The following LRP5 variants were observed in gnomAD, a reference collection of about 807,000 sequenced individuals.
The protein encoded by LRP5 is LDL receptor related protein 5, also known as low-density lipoprotein receptor-related protein 5.
In LRP5, 62 loss-of-function variants were observed where a neutral mutation model predicts 154.1. The ratio of observed to expected loss-of-function variants is 0.40; its 90% confidence interval spans 0.33 to 0.50. LRP5 has a LOEUF of 0.50. LRP5 is among the 20% of genes least tolerant of loss of function. The pLI is 0.55. For synonymous variants in LRP5, 966 were observed against 1,011.5 expected, an observed-to-expected ratio of 0.96 and a Z score of 0.85; for missense variants, 1,915 against 2,336.7, an observed-to-expected ratio of 0.82 and a Z score of 3.72.
At chr11:68,437,523 G>C (rs1320137967) in intron 19 of LRP5, among the ~76,000 whole-genome samples, 6 of 152,226 alleles carry the variant, frequency 3.9e-5, no homozygotes, top group Non-Finnish European at 8.8e-5. Flanking sequence ...AGTGGCTCCT[G>C]AAAGGCTGTC....
At chr11:68,300,000 C>T in the LRP5 span, among the ~76,000 whole-genome samples, 1 of 148,562 alleles carries the variant, frequency 6.7e-6, no homozygotes, top group African/African-American at 2.4e-5. Flanking sequence ...CAGGTTCAAG[C>T]GATTCTCCTG....
At chr11:68,356,915 T>C (rs2098623606) in intron 2 of LRP5, among the ~76,000 whole-genome samples, 1 of 152,108 alleles carries the variant, frequency 6.6e-6, no homozygotes, top group Non-Finnish European at 1.5e-5. Flanking sequence ...TTTTCATGGC[T>C]TGATAGATCA....
chr11:68,398,282 C>T (rs2098650660), intron 7 of LRP5, among the ~76,000 whole-genome samples: 1 of 152,176 alleles, frequency 6.6e-6, no homozygotes, highest in Non-Finnish European at 1.5e-5. Context: ...GCAGCCCTGC[C>T]CCTCAGAGCA....
intron 1 of LRP5, among the ~76,000 whole-genome samples, chr11:68,341,190 A>C (rs2098608932): frequency 6.7e-6 from 1 of 149,926 alleles, no homozygotes; most frequent in African/African-American, 2.5e-5. Context: ...GGGCGTAATT[A>C]TTTTATGTTC....
chr11:68,424,269 T>TGGGGG (rs137947038), intron 14 of LRP5, among the ~76,000 whole-genome samples: 1 of 152,106 alleles, frequency 6.6e-6, no homozygotes, highest in African/African-American at 2.4e-5. Context: ...CTCAGATAGC[T>TGGGGG]GGGGGGCTGG....
chr11:68,348,309 T>C, intron 2 of LRP5, 66 bp downstream of exon 2: 1 of 1,586,896 alleles, frequency 6.3e-7, no homozygotes, highest in South Asian at 1.1e-5. Context: ...TCTCTCGAAT[T>C]TGCATGAGCC....
intron 21 of LRP5, among the ~76,000 whole-genome samples, chr11:68,441,163 C>G (rs1311944484): frequency 1.3e-5 from 2 of 152,150 alleles, no homozygotes; most frequent in Non-Finnish European, 2.9e-5. Flanking sequence ...ACTGCAGCCT[C>G]TACCTTCTAG....
chr11:68,361,037 GGCTCAC>G (rs2098627592), intron 3 of LRP5, among the ~76,000 whole-genome samples: 1 of 140,690 alleles, frequency 7.1e-6, no homozygotes, highest in Non-Finnish European at 1.5e-5. Flanking sequence ...TGGGCGCGGT[GGCTCAC>G]GCCTGTAATC....
chr11:68,440,722 C>T (rs2098677735), intron 21 of LRP5, among the ~76,000 whole-genome samples: 1 of 152,154 alleles, frequency 6.6e-6, no homozygotes, highest in Admixed American at 6.6e-5. Flanking sequence ...GTTCCTCCTG[C>T]CCTTCTGGGT....
intron 7 of LRP5, among the ~76,000 whole-genome samples, chr11:68,397,593 C>G (rs985174958): frequency 2.0e-5 from 3 of 152,202 alleles, no homozygotes; most frequent in Admixed American, 6.5e-5. Flanking sequence ...GAAGCTGTGG[C>G]CCTTGTATGC....
chr11:68,374,119 G>T (rs1353927832), intron 5 of LRP5, among the ~76,000 whole-genome samples: 1 of 152,230 alleles, frequency 6.6e-6, no homozygotes, highest in Non-Finnish European at 1.5e-5. Flanking sequence ...ACAAAAAGAA[G>T]TCGGGGATGG....
intron 17 of LRP5, among the ~76,000 whole-genome samples, chr11:68,433,070 A>G (rs921960394): frequency 3.9e-5 from 6 of 152,160 alleles, no homozygotes; most frequent in East Asian, 1.9e-4. Flanking sequence ...CTGCCTTGCT[A>G]TGCGCACGCT....
At chr11:68,415,820 G>A (rs1474291106) in intron 12 of LRP5, among the ~76,000 whole-genome samples, 1 of 72,084 alleles carries the variant, frequency 1.4e-5, no homozygotes, top group Admixed American at 1.5e-4. Context: ...ACTTTGGGAG[G>A]CCAAGGCGGG....
At chr11:68,444,326 C>A (rs2098680290) in intron 21 of LRP5, among the ~76,000 whole-genome samples, 1 of 151,968 alleles carries the variant, frequency 6.6e-6, no homozygotes, top group Non-Finnish European at 1.5e-5. Context: ...ACCAGCCTGG[C>A]CAACATAGTG....
At chr11:68,379,975 C>G (rs1046722061) in intron 5 of LRP5, among the ~76,000 whole-genome samples, 3 of 152,138 alleles carry the variant, frequency 2.0e-5, no homozygotes, top group African/African-American at 7.2e-5. Flanking sequence ...CTACTAAAAA[C>G]ACAAAAAGTT....
chr11:68,375,180 C>T (rs925225465), intron 5 of LRP5, among the ~76,000 whole-genome samples: 5 of 152,214 alleles, frequency 3.3e-5, no homozygotes, highest in African/African-American at 1.2e-4. Flanking sequence ...GGTGATGACT[C>T]CTTGTTTCGT....
chr11:68,425,360 C>T (rs2098668160), intron 15 of LRP5, 68 bp downstream of exon 15: 3 of 1,498,818 alleles, frequency 2.0e-6, no homozygotes, highest in Non-Finnish European at 2.7e-6. Context: ...GCAGCAGCTG[C>T]CACATTGTCC....
chr11:68,337,951 C>G (rs1046217927), intron 1 of LRP5, among the ~76,000 whole-genome samples: 2 of 152,210 alleles, frequency 1.3e-5, no homozygotes, highest in Non-Finnish European at 2.9e-5. Flanking sequence ...TCAGCTTATC[C>G]ATCCCCAGGC....
intron 17 of LRP5, among the ~76,000 whole-genome samples, chr11:68,430,475 A>T: frequency 1.3e-5 from 2 of 152,162 alleles, no homozygotes; most frequent in East Asian, 3.8e-4. Context: ...CCTGGCCATT[A>T]GGTGTGTTTT....
Sources: gnomAD v4.1 joint callset for allele counts (sites outside exome capture counted in the v4.1 genomes callset) on GRCh38, gnomAD v4.1.1 for gene constraint, MANE v1.5 for transcripts, NCBI Gene and HGNC (gene_info 2026-07-23, HGNC 2026-07-21) for gene names.